Variants in RAB11B observed in about 807,000 individuals in gnomAD.
RAB11B encodes RAB11B, member RAS oncogene family.
A neutral mutation model predicts 23.7 loss-of-function variants in RAB11B; 7 were observed. The ratio of observed to expected loss-of-function variants is 0.29; its 90% CI spans 0.17 to 0.55. The LOEUF (loss-of-function observed/expected upper bound fraction) is 0.55. RAB11B is among the 20% of genes least tolerant of loss of function. The probability of loss-of-function intolerance (pLI) is 0.93; values close to 1 mark genes in which losing one functional copy is unlikely to be tolerated. For synonymous variants in RAB11B, 138 were observed against 132.0 expected (o/e 1.05, Z -0.31); for missense variants, 189 against 320.0 (o/e 0.59, Z 3.12).
chr19:8,403,671 G>T lies in RAB11B; in HGVS notation c.*113G>T. Reference sequence around the variant, plus strand: ...GCCGGCTCGTTCCAGCCCTCCCAGTGAGCTCTGCACGGCCGGGCCGGGGCC... The same window carrying T: ...GCCGGCTCGTTCCAGCCCTCCCAGTTAGCTCTGCACGGCCGGGCCGGGGCC... On this transcript the variant is annotated 3_prime_UTR_variant, in exon 5 of 5. Coordinates refer to ENST00000328024, the MANE Select transcript of RAB11B (RefSeq NM_004218.4). 1.4e-6 allele frequency: 2 copies of T among 1,445,584 alleles called. No individual in the cohort carries two copies. Among genetic ancestry groups the T allele is most frequent in the South Asian group, 2.6e-5 (2 of 75,826 alleles). 89.5% of individuals were successfully genotyped at this position (1,445,584 alleles called of 1,614,324 possible). A position where few individuals can be genotyped will look rare whatever the true frequency, so the allele number is the denominator to read the frequency against.
chr19:8,397,523 T>A (rs891489279), intron 1 of RAB11B, among the ~76,000 whole-genome samples: 1 of 151,970 alleles, frequency 6.6e-6, no homozygotes, highest in Admixed American at 6.5e-5. Context: ...AGGCTGACAC[T>A]GACTGTGGGG....
At chr19:8,393,819 G>A (rs971813257) in intron 1 of RAB11B, among the ~76,000 whole-genome samples, 8 of 152,126 alleles carry the variant, frequency 5.3e-5, no homozygotes, top group African/African-American at 1.9e-4. Context: ...TGAGCATTAG[G>A]GTCTGGGCCC....
At chr19:8,398,747 C>T (rs7409035) in intron 1 of RAB11B, among the ~76,000 whole-genome samples, 36,524 of 151,966 alleles carry the variant, frequency 0.24, 5,352 homozygotes, top group Admixed American at 0.31. Flanking sequence ...CCACAACAAC[C>T]GTGACAGCTG....
At chr19:8,398,747 C>G (rs7409035) in intron 1 of RAB11B, among the ~76,000 whole-genome samples, 1 of 151,914 alleles carries the variant, frequency 6.6e-6, no homozygotes, top group East Asian at 1.9e-4. Context: ...CCACAACAAC[C>G]GTGACAGCTG....
In RAB11B at chr19:8,390,455, A is replaced by G; in HGVS notation, c.39A>G (p.Lys13=). The G allele has an allele frequency of 6.6e-7, 1 of 1,509,028 alleles. No individual in the cohort carries two copies. Among genetic ancestry groups the G allele is most frequent in the South Asian group, 1.3e-5 (1 of 78,528 alleles). The allele number at this position is 1,509,028 out of a possible 1,614,324, so 93.5% of individuals were successfully genotyped here. A position where few individuals can be genotyped will look rare whatever the true frequency, so the allele number is the denominator to read the frequency against. ...TRDDEYDYLF[K]VVLIGDSGVG... ...ACGACGAGTACGACTACCTATTCAA[A>G]GGTGCGGCCGGTGGGGCACAGACGG... is the stretch of plus-strand genomic sequence containing the variant. The change falls in exon 1 of 5, where the codon AAA becomes AAG. Residue 13 remains lysine, a splice_region_variant and synonymous_variant. Transcript: ENST00000328024.
At chr19:8,391,739 G>A (rs1971355373) in intron 1 of RAB11B, among the ~76,000 whole-genome samples, 1 of 152,032 alleles carries the variant, frequency 6.6e-6, no homozygotes, top group African/African-American at 2.4e-5. Flanking sequence ...AGTGTGCTCT[G>A]TGGCTTGCAC....
intron 1 of RAB11B, chr19:8,390,667 T>C: frequency 2.1e-6 from 1 of 470,302 alleles, no homozygotes; most frequent in Non-Finnish European, 3.4e-6. Context: ...CGGAGAGACC[T>C]GGGGGACCTA....
intron 1 of RAB11B, among the ~76,000 whole-genome samples, chr19:8,390,844 C>A (rs903092873): frequency 8.0e-5 from 12 of 150,928 alleles, no homozygotes; most frequent in Non-Finnish European, 1.5e-4. Context: ...AGGGGCGGGG[C>A]TAAGGCGTGA....
chr19:8,397,146 G>C (rs961779124), intron 1 of RAB11B, among the ~76,000 whole-genome samples: 1 of 152,202 alleles, frequency 6.6e-6, no homozygotes, highest in Non-Finnish European at 1.5e-5. Flanking sequence ...TGAGCGGTGG[G>C]TGAGCAGGCT....
At chr19:8,390,551 G>C in intron 1 of RAB11B, 95 bp downstream of exon 1, 2 of 1,270,052 alleles carry the variant, frequency 1.6e-6, no homozygotes, top group South Asian at 2.8e-5. Context: ...GCCCAGGCCG[G>C]AGCCCGGGGC....
Position 8,403,583 on chromosome 19 carries a change from G to A in RAB11B, c.*25G>A, listed in dbSNP as rs569556993. The A allele has an allele frequency of 5.6e-6, 9 of 1,597,046 alleles. No homozygotes were observed. The highest frequency in any genetic ancestry group is 6.0e-6 in the Non-Finnish European group (7 of 1,168,258). ...ACCCCTGCGCCTCCACCCAGCGTGC[G>A]TGCACGTCCTCCGCCCGCCCCCGCC... On this transcript the variant is annotated 3_prime_UTR_variant, in exon 5 of 5. Coordinates refer to ENST00000328024, the MANE Select transcript of RAB11B (RefSeq NM_004218.4).
At position 8,392,685 on chromosome 19, in the gene RAB11B, C is replaced by CTTTTTTTTTT. The variant is rs74176644; in HGVS notation, c.40+2242_40+2251dup. Among the ~76,000 whole-genome samples the CTTTTTTTTTT allele has an allele frequency of 9.3e-4, 74 of 79,662 alleles. 2 individuals are homozygous for CTTTTTTTTTT. The highest frequency in any genetic ancestry group is 1.5e-3 in the South Asian group (3 of 2,010). The allele number at this position is 79,662 out of a possible 152,430, so 52.3% of individuals were successfully genotyped here. A position where few individuals can be genotyped will look rare whatever the true frequency, so the allele number is the denominator to read the frequency against. Reference sequence around the variant, plus strand: ...ATATTTTTCTTTTCCTTTTTCTTTTCTTTTTTTTTTTTTTTTTTTTTTGAG... The same window carrying CTTTTTTTTTT: ...ATATTTTTCTTTTCCTTTTTCTTTTCTTTTTTTTTTTTTTTTTTTTTTTTTTTTTTTTGAG... On this transcript the variant is annotated intron_variant, in intron 1 of 4. Coordinates refer to ENST00000328024, the MANE Select transcript of RAB11B (RefSeq NM_004218.4).
At chr19:8,402,636 G>A (rs779779006) in intron 4 of RAB11B, 71 bp downstream of exon 4, 20 of 964,020 alleles carry the variant, frequency 2.1e-5, no homozygotes, top group South Asian at 4.3e-5. Flanking sequence ...CTGAACCTTC[G>A]CTTGTTTTGT....
At chr19:8,393,650 C>A (rs1350009454) in intron 1 of RAB11B, among the ~76,000 whole-genome samples, 1 of 152,216 alleles carries the variant, frequency 6.6e-6, no homozygotes, top group African/African-American at 2.4e-5. Context: ...TGTACACCTC[C>A]CCATAGAAGA....
intron 2 of RAB11B, 32 bp from the exon 3 acceptor site, chr19:8,402,054 C>T: frequency 6.5e-7 from 1 of 1,541,148 alleles, no homozygotes; most frequent in South Asian, 1.2e-5. Flanking sequence ...TGGTTGTCCT[C>T]CAGAGAGGCT....
At chr19:8,395,152 G>C (rs1461991150) in intron 1 of RAB11B, among the ~76,000 whole-genome samples, 1 of 152,128 alleles carries the variant, frequency 6.6e-6, no homozygotes, top group Admixed American at 6.5e-5. Context: ...GTAGATGGGG[G>C]CCCTCACAGT....
intron 2 of RAB11B, among the ~76,000 whole-genome samples, chr19:8,401,166 T>C (rs547096310): frequency 6.6e-5 from 10 of 151,868 alleles, no homozygotes; most frequent in Non-Finnish European, 1.2e-4. Context: ...CTGCAAGCTC[T>C]GCCTCCCAGG....
chr19:8,398,391 C>T (rs761667978), intron 1 of RAB11B, among the ~76,000 whole-genome samples: 2 of 152,240 alleles, frequency 1.3e-5, no homozygotes, highest in African/African-American at 2.4e-5. Context: ...GTGCACCCCC[C>T]TCCTGGGACA....
At chr19:8,403,191 G>A (rs1197058384) in intron 4 of RAB11B, among the ~76,000 whole-genome samples, 1 of 152,198 alleles carries the variant, frequency 6.6e-6, no homozygotes, top group Non-Finnish European at 1.5e-5. Flanking sequence ...TTACCTCTGA[G>A]GGAGGAGGGC....
Sources: allele counts gnomAD v4.1 joint callset (sites outside exome capture counted in the v4.1 genomes callset), GRCh38; gene constraint gnomAD v4.1.1; transcripts MANE v1.5; gene names NCBI Gene and HGNC (gene_info 2026-07-23, HGNC 2026-07-21).